The following GABRB3 variants were observed in gnomAD, a reference collection of about 807,000 sequenced individuals.
GABRB3 encodes gamma-aminobutyric acid type A receptor subunit beta3.
A neutral mutation model predicts 52.1 loss-of-function variants in GABRB3; 14 were observed. That is an observed-to-expected ratio of 0.27 (90% CI 0.18 to 0.42). The LOEUF is 0.42. Ranked by LOEUF, GABRB3 falls within the 10% of genes least tolerant of loss-of-function variation. The pLI is 1.00. For missense variants in GABRB3, 307 were observed against 609.1 expected, an observed-to-expected ratio of 0.50 and a Z score of 5.22; for synonymous variants, 260 against 232.3, an observed-to-expected ratio of 1.12 and a Z score of -1.08.
chr15:26,653,112 T>G (rs1467467429), intron 3 of GABRB3, among the ~76,000 whole-genome samples: 2 of 152,210 alleles, frequency 1.3e-5, no homozygotes, highest in Non-Finnish European at 2.9e-5. Flanking sequence ...AGGGAGAAAC[T>G]TAGTTTATAG....
At chr15:26,568,585 C>T (rs1170119670) in intron 6 of GABRB3, among the ~76,000 whole-genome samples, 1 of 151,012 alleles carries the variant, frequency 6.6e-6, no homozygotes, top group Non-Finnish European at 1.5e-5. Flanking sequence ...GCAACCTCCA[C>T]CTCCCTGGTT....
chr15:26,625,338 AAC>A (rs1892650674), intron 3 of GABRB3: 3 of 397,604 alleles, frequency 7.5e-6, no homozygotes, highest in Non-Finnish European at 1.0e-5. Context: ...CCCATCGCCA[AAC>A]ATTTAGCACA....
At chr15:26,565,167 A>AC (rs1223997470) in intron 7 of GABRB3, among the ~76,000 whole-genome samples, 3 of 110,944 alleles carry the variant, frequency 2.7e-5, no homozygotes, top group African/African-American at 1.4e-4. Flanking sequence ...TGTCTGTTGT[A>AC]TTGATGATGA....
At chr15:26,769,358 C>T (rs1891081606) in intron 3 of GABRB3, among the ~76,000 whole-genome samples, 1 of 152,306 alleles carries the variant, frequency 6.6e-6, no homozygotes, top group South Asian at 2.1e-4. Flanking sequence ...TTCTACCTCA[C>T]CATCGCTAAT....
chr15:26,700,850 T>C (rs1888906859), intron 3 of GABRB3, among the ~76,000 whole-genome samples: 2 of 152,078 alleles, frequency 1.3e-5, no homozygotes, highest in Non-Finnish European at 2.9e-5. Context: ...GGTCAGGAGG[T>C]CGAGACCATC....
At chr15:26,772,320 T>C in intron 3 of GABRB3, 82 bp downstream of exon 3, 1 of 1,282,896 alleles carries the variant, frequency 7.8e-7, no homozygotes, top group South Asian at 1.3e-5. Flanking sequence ...CGAAGAGGCC[T>C]CCGGCCCAGC....
At chr15:26,642,123 C>G (rs1178906208) in intron 3 of GABRB3, among the ~76,000 whole-genome samples, 7 of 152,162 alleles carry the variant, frequency 4.6e-5, no homozygotes, top group Non-Finnish European at 8.8e-5. Context: ...GAACTCCCAG[C>G]CGCAAGCAAT....
chr15:26,674,836 G>C (rs994231157), intron 3 of GABRB3, among the ~76,000 whole-genome samples: 1 of 152,194 alleles, frequency 6.6e-6, no homozygotes, highest in African/African-American at 2.4e-5. Context: ...CACCAGTTTT[G>C]AGAAGGGCAA....
intron 3 of GABRB3, among the ~76,000 whole-genome samples, chr15:26,748,680 T>A (rs1244448419): frequency 1.3e-5 from 2 of 152,204 alleles, no homozygotes; most frequent in African/African-American, 4.8e-5. Context: ...TCTATTGGTT[T>A]TTGTTTTCAA....
intron 6 of GABRB3, among the ~76,000 whole-genome samples, chr15:26,577,055 A>G (rs754323394): frequency 2.6e-5 from 4 of 152,212 alleles, no homozygotes; most frequent in African/African-American, 4.8e-5. Flanking sequence ...ATACAGAAAG[A>G]AATGAGCAAG....
intron 6 of GABRB3, among the ~76,000 whole-genome samples, chr15:26,570,088 T>C (rs982568292): frequency 6.6e-6 from 1 of 152,242 alleles, no homozygotes; most frequent in African/African-American, 2.4e-5. Context: ...CCCTAACTTT[T>C]TGTATGCAAT....
At chr15:26,642,976 C>T (rs569238032) in intron 3 of GABRB3, among the ~76,000 whole-genome samples, 34 of 152,238 alleles carry the variant, frequency 2.2e-4, no homozygotes, top group East Asian at 7.7e-4. Context: ...TCTCCTCACA[C>T]GGCCCTCCTC....
At chr15:26,558,838 C>CA (rs1321437325) in intron 8 of GABRB3, among the ~76,000 whole-genome samples, 1,658 of 134,456 alleles carry the variant, frequency 0.012, 30 homozygotes, top group African/African-American at 0.039. Context: ...AACTCCATCT[C>CA]AAAAAAAAAA....
At position 26,621,638 on chromosome 15, in the gene GABRB3, T is replaced by C. The variant is rs754298342; in HGVS notation, c.241-104A>G. 58 of 847,036 alleles carry C rather than the reference T, an allele frequency of 6.8e-5. No individual in the cohort carries two copies. Among genetic ancestry groups the C allele is most frequent in the Non-Finnish European group, 1.1e-4 (57 of 527,704 alleles). The allele number at this position is 847,036 out of a possible 1,614,324, so 52.5% of individuals were successfully genotyped here. On this transcript the variant is annotated intron_variant, in intron 3 of 8. Coordinates refer to ENST00000311550, the MANE Select transcript of GABRB3 (RefSeq NM_000814.6). The surrounding 1 kb of genome is among the most constrained non-coding windows in gnomAD (Gnocchi z 4.1). Reference sequence around the variant, plus strand: ...GTTGCAATCTAGGCTCTACAGTGAATAACCAGGAGAAACGGATGCCATTTT... The same window carrying C: ...GTTGCAATCTAGGCTCTACAGTGAACAACCAGGAGAAACGGATGCCATTTT...
At chr15:26,669,152 C>CT (rs200067728) in intron 3 of GABRB3, among the ~76,000 whole-genome samples, 2 of 152,150 alleles carry the variant, frequency 1.3e-5, no homozygotes, top group East Asian at 3.9e-4. Context: ...TGGTTTATCT[C>CT]TTTTCCCACC....
At chr15:26,710,931 G>C (rs1274928885) in intron 3 of GABRB3, among the ~76,000 whole-genome samples, 1 of 150,910 alleles carries the variant, frequency 6.6e-6, no homozygotes, top group Non-Finnish European at 1.5e-5. Flanking sequence ...AGTTCTCCTG[G>C]GAGACTGTTT....
At chr15:26,628,592 G>A (rs1165788795) in intron 3 of GABRB3, among the ~76,000 whole-genome samples, 4 of 152,158 alleles carry the variant, frequency 2.6e-5, no homozygotes, top group African/African-American at 9.7e-5. Context: ...AAGGGCGGCT[G>A]CCCCTGGAGG....
chr15:26,683,367 T>A (rs927233283), intron 3 of GABRB3, among the ~76,000 whole-genome samples: 3 of 145,016 alleles, frequency 2.1e-5, no homozygotes, highest in Middle Eastern at 3.5e-3. Flanking sequence ...AGCTCCCCCA[T>A]CGCTGGGTTT....
At chr15:26,653,428 A>C (rs1887259389) in intron 3 of GABRB3, among the ~76,000 whole-genome samples, 1 of 152,228 alleles carries the variant, frequency 6.6e-6, no homozygotes, top group Non-Finnish European at 1.5e-5. Flanking sequence ...ACCCAGGCAC[A>C]GAAGACAGCA....
Sources: gnomAD v4.1 joint callset for allele counts (sites outside exome capture counted in the v4.1 genomes callset) on GRCh38, gnomAD v4.1.1 for gene constraint, Gnocchi (gnomAD v3.1) non-coding constraint, MANE v1.5 for transcripts, NCBI Gene and HGNC (gene_info 2026-07-23, HGNC 2026-07-21) for gene names.